RBM47: variants seen among roughly 807,000 people sequenced by gnomAD.
RBM47 encodes the protein RNA binding motif protein 47.
A neutral mutation model predicts 47.1 loss-of-function variants in RBM47; 21 were observed. That is an observed-to-expected ratio of 0.45 (90% CI 0.32 to 0.64). The LOEUF is 0.64. RBM47 is among the 30% of genes least tolerant of loss of function. The pLI, the probability that RBM47 is intolerant of heterozygous loss-of-function variation, is 0.05. For missense variants in RBM47, 708 were observed against 870.9 expected, an observed-to-expected ratio of 0.81 and a Z score of 2.35; for synonymous variants, 375 against 361.7, an observed-to-expected ratio of 1.04 and a Z score of -0.42.
intron 1 of RBM47, among the ~76,000 whole-genome samples, chr4:40,588,104 G>C (rs777330922): frequency 6.6e-6 from 1 of 152,200 alleles, no homozygotes; most frequent in Non-Finnish European, 1.5e-5. Context: ...GTGTACTGGG[G>C]TGCAGCCAAA....
intron 2 of RBM47, among the ~76,000 whole-genome samples, chr4:40,479,595 AAAATAAAT>A (rs549953610): frequency 4.0e-5 from 6 of 151,330 alleles, no homozygotes; most frequent in South Asian, 2.1e-4. Context: ...TCCTGTCTCA[AAAATAAAT>A]AAATAAATAA....
chr4:40,492,799 G>A (rs532140038), intron 2 of RBM47, among the ~76,000 whole-genome samples: 20 of 151,954 alleles, frequency 1.3e-4, no homozygotes, highest in East Asian at 3.9e-4. Context: ...GTGTGTGTAC[G>A]CGCACACACG....
At chr4:40,558,831 A>G (rs2154266017) in intron 1 of RBM47, among the ~76,000 whole-genome samples, 1 of 151,736 alleles carries the variant, frequency 6.6e-6, no homozygotes, top group South Asian at 2.1e-4. Context: ...CTGTCTAAAA[A>G]AAAAAAAAAA....
At chr4:40,470,743 TTTTC>T (rs1718732726) in intron 2 of RBM47, among the ~76,000 whole-genome samples, 1 of 152,122 alleles carries the variant, frequency 6.6e-6, no homozygotes. Context: ...AGATCCTTTC[TTTTC>T]TTTATTTTTT....
chr4:40,423,652 T>TTTTCTTTCTTTCTTTC lies in RBM47; in HGVS notation c.*2236_*2251dup, dbSNP rs56334700. On this transcript the variant is annotated 3_prime_UTR_variant, in exon 7 of 7. Transcript: ENST00000295971. ...TCATTTTTTTTTATTCTTTCTTTCT[T>TTTTCTTTCTTTCTTTC]TTTCTTTCTTTCTTTCTTTCTTTCT... The TTTTCTTTCTTTCTTTC allele has an allele frequency of 6.2e-5, 8 of 129,282 alleles. No individual in the cohort carries two copies. The highest frequency in any genetic ancestry group is 8.2e-5 in the Admixed American group (1 of 12,160). 8.0% of individuals were successfully genotyped at this position (129,282 alleles called of 1,614,324 possible).
chr4:40,467,390 T>C (rs113597031), intron 2 of RBM47, among the ~76,000 whole-genome samples: 2 of 151,792 alleles, frequency 1.3e-5, no homozygotes, highest in East Asian at 3.9e-4. Context: ...CCCAGGTTCA[T>C]GCGATTCTCC....
chr4:40,568,045 G>A (rs562103214), intron 1 of RBM47, among the ~76,000 whole-genome samples: 3 of 151,646 alleles, frequency 2.0e-5, no homozygotes, highest in Non-Finnish European at 4.4e-5. Flanking sequence ...CCCGGGAGGC[G>A]GAGGTTGCCA....
At chr4:40,582,589 T>C (rs757402307) in intron 1 of RBM47, among the ~76,000 whole-genome samples, 3 of 152,080 alleles carry the variant, frequency 2.0e-5, no homozygotes, top group Non-Finnish European at 4.4e-5. Flanking sequence ...CATCACTCAC[T>C]ACCAATAGTC....
chr4:40,623,017 C>T (rs1210293836), intron 1 of RBM47, among the ~76,000 whole-genome samples: 3 of 152,184 alleles, frequency 2.0e-5, no homozygotes. Context: ...CTAGCTCTAG[C>T]CAATGGAGAA....
intron 1 of RBM47, among the ~76,000 whole-genome samples, chr4:40,598,217 T>G (rs897189314): frequency 4.6e-5 from 7 of 152,172 alleles, no homozygotes; most frequent in African/African-American, 1.7e-4. Flanking sequence ...ACAGGAGATT[T>G]ACCATTGACC....
At chr4:40,429,688 CAAAAAAAA>C (rs60673202) in intron 6 of RBM47, among the ~76,000 whole-genome samples, 17 of 38,100 alleles carry the variant, frequency 4.5e-4, no homozygotes, top group African/African-American at 1.0e-3. Flanking sequence ...GACTCCATCT[CAAAAAAAA>C]AAAAAAAAAA....
intron 1 of RBM47, among the ~76,000 whole-genome samples, chr4:40,588,062 C>T (rs1733764864): frequency 6.6e-6 from 1 of 152,148 alleles, no homozygotes; most frequent in Admixed American, 6.6e-5. Flanking sequence ...ATTCAGAGGA[C>T]CAGTGGCACA....
At chr4:40,520,817 C>A (rs1014405035) in intron 2 of RBM47, among the ~76,000 whole-genome samples, 5 of 152,120 alleles carry the variant, frequency 3.3e-5, no homozygotes, top group African/African-American at 1.2e-4. Flanking sequence ...GGAGGGGCTG[C>A]AATAGGAGAG....
At chr4:40,477,879 GA>G (rs1182826109) in intron 2 of RBM47, among the ~76,000 whole-genome samples, 1 of 151,810 alleles carries the variant, frequency 6.6e-6, no homozygotes, top group Non-Finnish European at 1.5e-5. Context: ...AAAAAATATA[GA>G]AAAGTACACA....
intron 2 of RBM47, among the ~76,000 whole-genome samples, chr4:40,494,057 GA>G (rs1194618036): frequency 2.0e-5 from 3 of 152,194 alleles, no homozygotes; most frequent in African/African-American, 7.2e-5. Flanking sequence ...ACAATGGTCA[GA>G]AATCCTTGAT....
intron 1 of RBM47, among the ~76,000 whole-genome samples, chr4:40,596,351 G>C (rs541422669): frequency 6.6e-6 from 1 of 152,306 alleles, no homozygotes; most frequent in Admixed American, 6.5e-5. Context: ...GGTTTAAGGG[G>C]GGGAAGAGGT....
intron 1 of RBM47, among the ~76,000 whole-genome samples, chr4:40,573,771 A>G (rs60642083): frequency 1.4e-4 from 21 of 145,630 alleles, no homozygotes; most frequent in East Asian, 9.8e-4. Flanking sequence ...GAGAGAGAGA[A>G]AGAAAGAAAG....
intron 1 of RBM47, among the ~76,000 whole-genome samples, chr4:40,549,524 GTT>G (rs11381654): frequency 2.3e-5 from 3 of 132,736 alleles, no homozygotes; most frequent in African/African-American, 2.8e-5. Context: ...TTGTTTGTTC[GTT>G]TTTTTTTTTT....
At chr4:40,489,794 G>A (rs982223337) in intron 2 of RBM47, among the ~76,000 whole-genome samples, 2 of 152,092 alleles carry the variant, frequency 1.3e-5, no homozygotes, top group South Asian at 4.1e-4. Context: ...AAACAGAAGG[G>A]ACTAGAACAC....
Sources: allele counts gnomAD v4.1 joint callset (sites outside exome capture counted in the v4.1 genomes callset), GRCh38; gene constraint gnomAD v4.1.1; transcripts MANE v1.5; gene names NCBI Gene and HGNC (gene_info 2026-07-23, HGNC 2026-07-21).